H1-8: variants seen among roughly 807,000 people sequenced by gnomAD.
H1-8 encodes histone H1.8.
A neutral mutation model predicts 19.5 loss-of-function variants in H1-8; 13 were observed. The ratio of observed to expected loss-of-function variants is 0.67; its 90% confidence interval spans 0.43 to 1.06. The LOEUF is 1.06. Among genes scored for constraint, H1-8 ranks in the 50% least tolerant of loss-of-function variants. The probability of loss-of-function intolerance (pLI) is 0.00; values close to 1 mark genes in which losing one functional copy is unlikely to be tolerated. For missense variants in H1-8, 432 were observed against 459.8 expected, an observed-to-expected ratio of 0.94 and a Z score of 0.55; for synonymous variants, 193 against 187.6, an observed-to-expected ratio of 1.03 and a Z score of -0.24.
Position 129,543,304 on chromosome 3 carries a change from C to T in H1-8, c.86C>T (p.Pro29Leu), listed in dbSNP as rs769819531. ...GSSRSPESEK[P>L]GPSHGGVPPG... ...TCCAGGTCTCCTGAATCTGAAAAGC[C>T]AGGTGAGCAAGAGGAGGCAGCTCCT... The change falls in exon 1 of 5, where the codon CCA becomes CTA. Residue 29 changes from proline (P) to leucine (L), a missense_variant and splice_region_variant. Physicochemically the swap from Pro to Leu is moderately conservative, Grantham distance 98. Coordinates refer to ENST00000324382, the MANE Select transcript of H1-8 (RefSeq NM_153833.3). 4 of 1,611,836 alleles carry T rather than the reference C, an allele frequency of 2.5e-6. No individual in the cohort carries two copies. The highest frequency in any genetic ancestry group is 3.4e-6 in the Non-Finnish European group (4 of 1,178,696).
chr3:129,543,982 A>G (rs1393807448), intron 1 of H1-8, among the ~76,000 whole-genome samples: 1 of 152,132 alleles, frequency 6.6e-6, no homozygotes, highest in Non-Finnish European at 1.5e-5. Context: ...TTGCCAAGAC[A>G]CCTAGGGAGA....
intron 1 of H1-8, among the ~76,000 whole-genome samples, chr3:129,546,155 T>A (rs539099694): frequency 2.1e-5 from 3 of 141,240 alleles, no homozygotes; most frequent in African/African-American, 8.9e-5. Flanking sequence ...ATAATAATAA[T>A]AATGATAATA....
In H1-8 at chr3:129,543,281, CA is replaced by C; in HGVS notation, c.64del (p.Arg22GlyfsTer76). 1 of 1,613,602 alleles carries C rather than the reference CA, an allele frequency of 6.2e-7. No homozygotes were observed. Among genetic ancestry groups the C allele is most frequent in the Non-Finnish European group, 8.5e-7 (1 of 1,179,756 alleles). On this transcript the variant is annotated frameshift_variant, in exon 1 of 5. Coordinates refer to ENST00000324382, the MANE Select transcript of H1-8 (RefSeq NM_153833.3). LOFTEE classifies it high-confidence loss of function. ...CCTCGACTTCCACAGCAGGATCATC[CA>C]GGTCTCCTGAATCTGAAAAGCCAGG... ...PSSTSTAGSS[R>X]SPESEKPGPS...
Position 129,545,453 on chromosome 3 carries a change from T to G in H1-8, c.89-1938T>G, listed in dbSNP as rs1442659732. The stretch of plus-strand genomic sequence containing the variant: ...TATTTTATAACACCTTATTGAGAAA[T>G]AATTCCCATACAATACAATTCACCC... On this transcript the variant is annotated intron_variant, in intron 1 of 4. Transcript: ENST00000324382. Among the ~76,000 whole-genome samples, 6 of 152,170 alleles carry G rather than the reference T, an allele frequency of 3.9e-5. No homozygotes were observed. In the East Asian group the frequency reaches 1.2e-3, roughly 29 times the overall value.
In H1-8 at chr3:129,548,561, C is replaced by T. The variant is rs368649606; in HGVS notation, c.379-440C>T. The T allele has an allele frequency of 6.8e-5, 61 of 898,172 alleles. No individual in the cohort carries two copies. The African/African-American group carries it at 8.3e-4, about 12-fold the overall frequency. 55.6% of individuals were successfully genotyped at this position (898,172 alleles called of 1,614,324 possible). ...TTGCCAGGAGCCCTCCCTTCCCTGC[C>T]GCTCACAGCCTTGGTGATTGTCCTG... On this transcript the variant is annotated intron_variant, in intron 2 of 4. Transcript: ENST00000324382.
At chr3:129,543,447 T>TCACCCAGCACC (rs755193609) in intron 1 of H1-8, 141 bp downstream of exon 1, 43,317 of 641,330 alleles carry the variant, frequency 0.068, 2,240 homozygotes, top group African/African-American at 0.16. Flanking sequence ...CACCCAGCAC[T>TCACCCAGCACC]CACCCAGCAC....
At chr3:129,545,382 C>T (rs2084880078) in intron 1 of H1-8, among the ~76,000 whole-genome samples, 1 of 152,148 alleles carries the variant, frequency 6.6e-6, no homozygotes, top group Admixed American at 6.5e-5. Flanking sequence ...TGGTGACTGA[C>T]AACTTCTCAT....
chr3:129,543,371 C>T, intron 1 of H1-8, 65 bp downstream of exon 1: 1 of 1,175,616 alleles, frequency 8.5e-7, no homozygotes, highest in Admixed American at 1.9e-5. Context: ...GCCTTTGATG[C>T]TCCACCCCTG....
intron 1 of H1-8, among the ~76,000 whole-genome samples, chr3:129,544,992 T>C (rs992533464): frequency 2.0e-5 from 3 of 151,738 alleles, no homozygotes; most frequent in African/African-American, 7.3e-5. Flanking sequence ...TAGGTCTCTT[T>C]ATAATTTTGC....
chr3:129,544,531 G>T (rs984609221), intron 1 of H1-8, among the ~76,000 whole-genome samples: 1 of 151,956 alleles, frequency 6.6e-6, no homozygotes, highest in African/African-American at 2.4e-5. Flanking sequence ...TGGGCAGTGG[G>T]GGCATGGGGC....
At chr3:129,550,981 G>T in intron 4 of H1-8, 126 bp from the exon 5 acceptor site, 1 of 973,532 alleles carries the variant, frequency 1.0e-6, no homozygotes, top group Admixed American at 2.5e-5. Flanking sequence ...TGGGGGTGTT[G>T]CCATCCCCAT....
chr3:129,543,340 T>A (rs1560050392), intron 1 of H1-8, 34 bp downstream of exon 1: 1 of 1,517,150 alleles, frequency 6.6e-7, no homozygotes, highest in Admixed American at 1.7e-5. Context: ...CCCTCATCCC[T>A]GCGAGCCCAC....
chr3:129,543,205 C>T lies in H1-8; in HGVS notation c.-14C>T, dbSNP rs753074640. 4.4e-6 allele frequency: 7 copies of T among 1,607,122 alleles called. No individual in the cohort carries two copies. The highest frequency in any genetic ancestry group is 1.7e-4 in the Middle Eastern group (1 of 6,056). ...ACCCGGGTGAGGGGTCTGCTGGCTG[C>T]ACCTGTCGGTCTCATGGCTCCTGGG... On this transcript the variant is annotated 5_prime_UTR_variant, in exon 1 of 5. Transcript: ENST00000324382.
Position 129,551,298 on chromosome 3 carries a change from G to C in H1-8, c.999G>C (p.Lys333Asn), listed in dbSNP as rs753944452. Residue 333 changes from lysine (K) to asparagine (N), a missense_variant, in exon 5 of 5, where the codon AAG (lysine) becomes AAC (asparagine). Transcript: ENST00000324382. ...CTAGAAAGGCTGGGCTGCCCATCAA[G>C]GCCTCATCATCCAAAGTGTCCAGCC... The part of the protein sequence containing the change: ...KGPRKAGLPI[K>N]ASSSKVSSQR... 49 of 1,613,836 alleles carry C rather than the reference G, an allele frequency of 3.0e-5. No homozygotes were observed. The highest frequency in any genetic ancestry group is 4.0e-5 in the Non-Finnish European group (47 of 1,180,022).
In H1-8 at chr3:129,551,199, T is replaced by TGC; in HGVS notation, c.901_902dup (p.Pro302LeufsTer?). ...GGCAGGGGCCAAACACCAAGGCTGC[T>TGC]GCTCCTGCTAAGGGCAGTGGGTCCA... On this transcript the variant is annotated frameshift_variant, in exon 5 of 5. Coordinates refer to ENST00000324382, the MANE Select transcript of H1-8 (RefSeq NM_153833.3). LOFTEE classifies it low-confidence loss of function (END_TRUNC). 9 of 1,614,248 alleles carry TGC rather than the reference T, an allele frequency of 5.6e-6. No individual in the cohort carries two copies. The highest frequency in any genetic ancestry group is 7.6e-6 in the Non-Finnish European group (9 of 1,180,034).
chr3:129,548,255 A>G, intron 2 of H1-8: 2 of 871,070 alleles, frequency 2.3e-6, no homozygotes, highest in Non-Finnish European at 2.8e-6. Context: ...AGCAGCTGCC[A>G]TGACAGTTGC....
rs2084913711 is a variant in H1-8 at position 129,549,182 on chromosome 3, C to T, written c.560C>T (p.Pro187Leu). 6.4e-7 allele frequency: 1 copy of T among 1,564,984 alleles called. No individual in the cohort carries two copies. Among genetic ancestry groups the T allele is most frequent in the Non-Finnish European group, 8.7e-7 (1 of 1,154,150 alleles). Residue 187 changes from proline to leucine, a missense_variant, in exon 3 of 5, where the codon CCT (proline) becomes CTT (leucine). Transcript: ENST00000324382. ...AGGCCAGCAAAGGTGCAGAAGCCTC[C>T]TCCCAAGCCAGGCGCAGCCACAGAG... Reference protein sequence around the residue: ...AKRPAKVQKPPPKPGAATEKA... With the variant: ...AKRPAKVQKPLPKPGAATEKA...
intron 3 of H1-8, among the ~76,000 whole-genome samples, chr3:129,550,426 G>T (rs1296326527): frequency 6.6e-6 from 1 of 152,136 alleles, no homozygotes; most frequent in Non-Finnish European, 1.5e-5. Context: ...TATCCTGGCT[G>T]CCAGGTGGAA....
intron 1 of H1-8, 40 bp downstream of exon 1, chr3:129,543,346 C>A: frequency 6.8e-7 from 1 of 1,476,130 alleles, no homozygotes; most frequent in Non-Finnish European, 9.4e-7. Flanking sequence ...TCCCTGCGAG[C>A]CCACTCCCTG....
Sources: allele counts gnomAD v4.1 joint callset (sites outside exome capture counted in the v4.1 genomes callset), GRCh38; gene constraint gnomAD v4.1.1; transcripts MANE v1.5; gene names NCBI Gene and HGNC (gene_info 2026-07-23, HGNC 2026-07-21).